The following MACF1 variants were observed in gnomAD, a reference collection of about 807,000 sequenced individuals.
MACF1 encodes microtubule-actin cross-linking factor 1.
Under a neutral mutation model 854.8 loss-of-function variants are expected in MACF1, and 193 were observed. The observed-to-expected ratio is 0.23, with a 90% confidence interval of 0.20 to 0.25. MACF1 has a LOEUF of 0.25. Ranked by LOEUF, MACF1 falls within the 10% of genes least tolerant of loss-of-function variation. The pLI is 1.00. For missense variants in MACF1, 7,722 were observed against 8,929.1 expected, an observed-to-expected ratio of 0.86 and a Z score of 5.45; for synonymous variants, 3,185 against 3,226.7, an observed-to-expected ratio of 0.99 and a Z score of 0.44.
At chr1:39,346,910 T>A (rs1647062958) in intron 40 of MACF1, 67 bp from the exon 41 acceptor site, 1 of 1,047,972 alleles carries the variant, frequency 9.5e-7, no homozygotes, top group Non-Finnish European at 1.5e-6. Context: ...GTTGGTTTTC[T>A]TCATGAACTG....
intron 2 of MACF1, among the ~76,000 whole-genome samples, chr1:39,138,959 C>T (rs1280548369): frequency 6.6e-6 from 1 of 152,158 alleles, no homozygotes; most frequent in Non-Finnish European, 1.5e-5. Flanking sequence ...GCCACCGCGC[C>T]TGGCCTAGGC....
In MACF1 at chr1:39,251,849, C is replaced by T; in HGVS notation, c.265C>T (p.Pro89Ser). 3.5e-6 allele frequency: 5 copies of T among 1,418,550 alleles called. No individual in the cohort carries two copies. Among genetic ancestry groups the T allele is most frequent in the East Asian group, 2.8e-5 (1 of 35,318 alleles). 87.9% of individuals were successfully genotyped at this position (1,418,550 alleles called of 1,614,324 possible). The change falls in exon 4 of 101, where the codon CCA becomes TCA. Residue 89 changes from proline (P) to serine (S), a missense_variant. Transcript: ENST00000564288. ...TTGCCTTGGTTGGTGGCCAAAGGAGCCAGCAGGGCTGAAGACCCTCCGTCT... is the reference window on the plus strand; with the variant it reads ...TTGCCTTGGTTGGTGGCCAAAGGAGTCAGCAGGGCTGAAGACCCTCCGTCT... ...LEVLSGIKLE[P>S]AGLKTLRLVS...
intron 2 of MACF1, among the ~76,000 whole-genome samples, chr1:39,112,547 G>A (rs796955418): frequency 6.6e-6 from 1 of 152,088 alleles, no homozygotes; most frequent in African/African-American, 2.4e-5. Context: ...GCATGGTGGT[G>A]CAATCCCGTG....
intron 2 of MACF1, among the ~76,000 whole-genome samples, chr1:39,237,276 G>A (rs543188965): frequency 6.6e-6 from 1 of 152,256 alleles, no homozygotes; most frequent in East Asian, 1.9e-4. Flanking sequence ...TCTGACCTCT[G>A]TTCCTCAGAT....
At chr1:39,479,775 G>A in intron 97 of MACF1, 23 bp from the exon 98 acceptor site, 1 of 1,596,610 alleles carries the variant, frequency 6.3e-7, no homozygotes, top group South Asian at 1.1e-5. Flanking sequence ...CTGACATTGT[G>A]TGTGTGTTTA....
In MACF1 at chr1:39,333,979, T is replaced by C; in HGVS notation, c.7391T>C (p.Met2464Thr). 6.2e-7 allele frequency: 1 copy of C among 1,614,182 alleles called. No homozygotes were observed. The highest frequency in any genetic ancestry group is 8.5e-7 in the Non-Finnish European group (1 of 1,180,042). ...TVRERLISLQ[M>T]ETTGLIDPDS... ...AGGGAGAGATTAATTAGTTTACAAATGGAAACAACAGGACTTATAGACCCT... is the reference window on the plus strand; with the variant it reads ...AGGGAGAGATTAATTAGTTTACAAACGGAAACAACAGGACTTATAGACCCT... Residue 2464 changes from methionine to threonine, a missense_variant, in exon 37 of 101, where the codon ATG becomes ACG. Coordinates refer to ENST00000564288, the MANE Select transcript of MACF1 (RefSeq NM_001394062.1).
intron 1 of MACF1, among the ~76,000 whole-genome samples, chr1:39,225,313 T>G (rs1320579308): frequency 6.8e-6 from 1 of 147,948 alleles, no homozygotes; most frequent in African/African-American, 2.5e-5. Context: ...GCTTCCCGGG[T>G]TCACGCCATT....
intron 1 of MACF1, among the ~76,000 whole-genome samples, chr1:39,219,981 C>A (rs1357754681): frequency 1.3e-5 from 2 of 152,084 alleles, no homozygotes; most frequent in African/African-American, 2.4e-5. Context: ...GAACTCCTGA[C>A]CTCAGGTGAT....
intron 44 of MACF1, among the ~76,000 whole-genome samples, chr1:39,354,804 G>T (rs1647389965): frequency 6.6e-6 from 1 of 152,144 alleles, no homozygotes; most frequent in Non-Finnish European, 1.5e-5. Context: ...CTTACAGGCT[G>T]CCTGTTCTGT....
At chr1:39,194,699 CTCCCT>C (rs1027758290) in intron 2 of MACF1, among the ~76,000 whole-genome samples, 2 of 147,924 alleles carry the variant, frequency 1.4e-5, no homozygotes, top group Non-Finnish European at 3.0e-5. Flanking sequence ...CTCCCCTCCC[CTCCCT>C]TCCCTTCTCT....
intron 21 of MACF1, among the ~76,000 whole-genome samples, chr1:39,299,828 T>C (rs1179930161): frequency 6.6e-6 from 1 of 152,256 alleles, no homozygotes; most frequent in African/African-American, 2.4e-5. Context: ...AATTGACTAA[T>C]AATAATATAC....
chr1:39,298,235 A>C (rs953871727), intron 21 of MACF1, among the ~76,000 whole-genome samples: 1 of 152,164 alleles, frequency 6.6e-6, no homozygotes, highest in East Asian at 1.9e-4. Context: ...ATTTTAATTC[A>C]AAGAAACATT....
At chr1:39,274,206 G>GA (rs1195750241) in intron 6 of MACF1, among the ~76,000 whole-genome samples, 1 of 149,562 alleles carries the variant, frequency 6.7e-6, no homozygotes, top group African/African-American at 2.4e-5. Context: ...AGAAAATTAA[G>GA]AAAAAAATTG....
At chr1:39,263,822 G>A (rs1237664975) in intron 6 of MACF1, among the ~76,000 whole-genome samples, 1 of 123,546 alleles carries the variant, frequency 8.1e-6, no homozygotes, top group African/African-American at 3.1e-5. Flanking sequence ...CACCCAGGCT[G>A]GAGTGCAGTG....
intron 21 of MACF1, among the ~76,000 whole-genome samples, chr1:39,299,827 AT>A (rs1294411930): frequency 6.6e-6 from 1 of 152,246 alleles, no homozygotes; most frequent in African/African-American, 2.4e-5. Flanking sequence ...AAATTGACTA[AT>A]AATAATATAC....
intron 2 of MACF1, among the ~76,000 whole-genome samples, chr1:39,178,181 C>CT (rs67390335): frequency 0.95 from 131,100 of 137,680 alleles, 62,441 homozygotes; most frequent in East Asian, 0.98. Flanking sequence ...TTTCAACATT[C>CT]TTTTTTTTTT....
chr1:39,302,397 T>G (rs1180364564), intron 22 of MACF1, among the ~76,000 whole-genome samples: 1 of 152,044 alleles, frequency 6.6e-6, no homozygotes, highest in Non-Finnish European at 1.5e-5. Flanking sequence ...GGAAAAAAAA[T>G]TTAAAAATGG....
chr1:39,359,816 A>G (rs1647914520), intron 47 of MACF1, among the ~76,000 whole-genome samples: 1 of 149,960 alleles, frequency 6.7e-6, no homozygotes, highest in Non-Finnish European at 1.5e-5. Flanking sequence ...TAAAAATACA[A>G]AACAAACAAA....
chr1:39,372,859 A>G, intron 52 of MACF1: 2 of 327,304 alleles, frequency 6.1e-6, no homozygotes, highest in Non-Finnish European at 1.1e-5. Context: ...ACACTGAATA[A>G]TTAAAATGAG....
Sources: allele counts gnomAD v4.1 joint callset (sites outside exome capture counted in the v4.1 genomes callset), GRCh38; gene constraint gnomAD v4.1.1; transcripts MANE v1.5; gene names NCBI Gene and HGNC (gene_info 2026-07-23, HGNC 2026-07-21).